Variants in RHOBTB1 observed in about 807,000 individuals in gnomAD.
The protein encoded by RHOBTB1 is rho-related BTB domain-containing protein 1.
A neutral mutation model predicts 71.6 loss-of-function variants in RHOBTB1; 40 were observed. That is an observed-to-expected ratio of 0.56 (90% CI 0.43 to 0.73). RHOBTB1 has a LOEUF of 0.73. RHOBTB1 is among the 30% of genes least tolerant of loss of function. The pLI, the probability that RHOBTB1 is intolerant of heterozygous loss-of-function variation, is 0.00. For synonymous variants in RHOBTB1, 319 were observed against 334.9 expected (o/e 0.95, Z 0.52); for missense variants, 797 against 894.0 (o/e 0.89, Z 1.38).
At chr10:60,931,600 G>T (rs1453748024) in intron 2 of RHOBTB1, among the ~76,000 whole-genome samples, 2 of 152,002 alleles carry the variant, frequency 1.3e-5, no homozygotes, top group Admixed American at 1.3e-4. Flanking sequence ...AAACTAATGG[G>T]TATATTAAGT....
rs1252991082 is a variant in RHOBTB1, at chr10:60,871,407, T to C, written c.*75A>G. 2 of 1,473,570 alleles carry C rather than the reference T, an allele frequency of 1.4e-6. No individual in the cohort carries two copies. Among genetic ancestry groups the C allele is most frequent in the Non-Finnish European group, 1.9e-6 (2 of 1,080,404 alleles). 91.3% of individuals were successfully genotyped at this position (1,473,570 alleles called of 1,614,324 possible). ...TGTCGTATCTCTAACAAGACGAATTTTATAGTAGTGCTTTGAAAAGTGGTG... is the reference window on the plus strand; with the variant it reads ...TGTCGTATCTCTAACAAGACGAATTCTATAGTAGTGCTTTGAAAAGTGGTG... On this transcript the variant is annotated 3_prime_UTR_variant, in exon 11 of 11. Coordinates refer to ENST00000337910, the MANE Select transcript of RHOBTB1 (RefSeq NM_014836.5).
intron 2 of RHOBTB1, among the ~76,000 whole-genome samples, chr10:60,939,046 T>A (rs2084758755): frequency 6.6e-6 from 1 of 152,136 alleles, no homozygotes; most frequent in Admixed American, 6.6e-5. Flanking sequence ...GAACTTGCCA[T>A]TAACCTGTGT....
At chr10:60,959,950 G>A (rs1215087585) in intron 2 of RHOBTB1, among the ~76,000 whole-genome samples, 1 of 152,190 alleles carries the variant, frequency 6.6e-6, no homozygotes, top group Non-Finnish European at 1.5e-5. Context: ...AAAGGCAGAT[G>A]TATTAATGTT....
intron 2 of RHOBTB1, among the ~76,000 whole-genome samples, chr10:60,955,043 CTTT>C (rs34012455): frequency 3.5e-5 from 4 of 112,830 alleles, no homozygotes; most frequent in Non-Finnish European, 3.5e-5. Context: ...TTCTTTCTTT[CTTT>C]TTTTTTTTTT....
chr10:60,905,294 C>T (rs1419458894), intron 4 of RHOBTB1, among the ~76,000 whole-genome samples: 1 of 151,336 alleles, frequency 6.6e-6, no homozygotes, highest in African/African-American at 2.4e-5. Flanking sequence ...ACTAAAAATA[C>T]AAAAAATTAG....
rs542789926 is a variant in RHOBTB1, at chr10:60,971,959, T to C, written c.-62+13886A>G. 2.0e-5 allele frequency among the ~76,000 whole-genome samples: 3 copies of C among 152,144 alleles called. No homozygotes were observed. In the South Asian group the frequency reaches 6.2e-4, roughly 32 times the overall value. On this transcript the variant is annotated intron_variant, in intron 2 of 11. Coordinates refer to the RHOBTB1 transcript ENST00000357917. ...AAAAAAGCTCATCAACACTGGTCAT[T>C]AGAGAAATGCAAATCAAAACCATAA... is the stretch of plus-strand genomic sequence containing the variant.
intron 4 of RHOBTB1, among the ~76,000 whole-genome samples, chr10:60,902,868 C>A (rs551957968): frequency 6.6e-6 from 1 of 152,306 alleles, no homozygotes; most frequent in Admixed American, 6.5e-5. Context: ...AGAGATTTGT[C>A]AACTCGTTCA....
chr10:60,885,122 C>T (rs1370096662), intron 7 of RHOBTB1, among the ~76,000 whole-genome samples: 1 of 150,094 alleles, frequency 6.7e-6, no homozygotes, highest in African/African-American at 2.5e-5. Flanking sequence ...AGTATGGTGA[C>T]TATGGTGGAC....
chr10:60,978,998 G>A (rs1323217578), intron 2 of RHOBTB1, among the ~76,000 whole-genome samples: 1 of 152,020 alleles, frequency 6.6e-6, no homozygotes, highest in Non-Finnish European at 1.5e-5. Context: ...TGTATCATGT[G>A]TCACCAGCAA....
At chr10:60,928,869 T>C (rs2084054598) in intron 2 of RHOBTB1, among the ~76,000 whole-genome samples, 1 of 152,054 alleles carries the variant, frequency 6.6e-6, no homozygotes, top group Non-Finnish European at 1.5e-5. Context: ...CTATAAAGAA[T>C]TGAGAATGGG....
At chr10:60,949,398 A>G (rs571297829) in intron 2 of RHOBTB1, among the ~76,000 whole-genome samples, 13 of 152,216 alleles carry the variant, frequency 8.5e-5, no homozygotes, top group Non-Finnish European at 8.8e-5. Flanking sequence ...GCACTTGGGT[A>G]AAAGTGAAAG....
At chr10:60,990,501 CT>C (rs2086826691) in intron 1 of RHOBTB1, among the ~76,000 whole-genome samples, 1 of 151,326 alleles carries the variant, frequency 6.6e-6, no homozygotes, top group South Asian at 2.1e-4. Context: ...AGCAATTTCT[CT>C]TTATTTTAAT....
rs146188212 is a variant in RHOBTB1 at position 60,973,140 on chromosome 10, C to G, written c.-62+12705G>C. 5.2e-3 allele frequency among the ~76,000 whole-genome samples: 791 copies of G among 151,900 alleles called. 1 individual carries two copies. Among genetic ancestry groups the G allele is most frequent in the Non-Finnish European group, 7.1e-3 (481 of 67,912 alleles). On this transcript the variant is annotated intron_variant, in intron 2 of 11. Transcript: ENST00000357917. ...TTTAAGGATTCAATATGGACTGCCT[C>G]AAATATAAAGGTAAGCAATTATTAA...
intron 2 of RHOBTB1, among the ~76,000 whole-genome samples, chr10:60,931,419 A>G (rs2084246614): frequency 6.6e-6 from 1 of 152,166 alleles, no homozygotes; most frequent in Non-Finnish European, 1.5e-5. Context: ...CTTCATATAA[A>G]TGGAATCATG....
At chr10:60,960,626 T>A (rs1265220321) in intron 2 of RHOBTB1, among the ~76,000 whole-genome samples, 1 of 152,166 alleles carries the variant, frequency 6.6e-6, no homozygotes, top group Non-Finnish European at 1.5e-5. Flanking sequence ...TCCTCTTGGA[T>A]CATGTCCCCA....
upstream of RHOBTB1, among the ~76,000 whole-genome samples, chr10:60,946,582 C>T (rs536074504): frequency 1.1e-4 from 17 of 152,274 alleles, no homozygotes; most frequent in African/African-American, 4.1e-4. Flanking sequence ...TGCATTTGCA[C>T]CTGGGGTTGT....
At chr10:60,960,284 T>C (rs563629989) in intron 2 of RHOBTB1, among the ~76,000 whole-genome samples, 1 of 152,298 alleles carries the variant, frequency 6.6e-6, no homozygotes, top group South Asian at 2.1e-4. Flanking sequence ...AGAATTTCCA[T>C]AGAATGTAAT....
chr10:60,944,891 C>T (rs2085155261), upstream of RHOBTB1, among the ~76,000 whole-genome samples: 1 of 152,040 alleles, frequency 6.6e-6, no homozygotes, highest in East Asian at 1.9e-4. Context: ...GACCCCGACC[C>T]GGGTACAGAG....
chr10:60,927,649 C>T (rs1265632773), intron 2 of RHOBTB1, among the ~76,000 whole-genome samples: 1 of 152,168 alleles, frequency 6.6e-6, no homozygotes, highest in African/African-American at 2.4e-5. Flanking sequence ...GCTGGGAAAA[C>T]TGGCTATCCA....
Sources: allele counts gnomAD v4.1 joint callset (sites outside exome capture counted in the v4.1 genomes callset), GRCh38; gene constraint gnomAD v4.1.1; transcripts MANE v1.5; gene names NCBI Gene and HGNC (gene_info 2026-07-23, HGNC 2026-07-21).